The following STK32B variants were observed in gnomAD, a reference collection of about 807,000 sequenced individuals.
STK32B encodes the protein serine/threonine kinase 32B, also known as serine/threonine-protein kinase 32B.
A neutral mutation model predicts 52.6 loss-of-function variants in STK32B; 43 were observed. That is an observed-to-expected ratio of 0.82 (90% CI 0.64 to 1.05). The LOEUF is 1.05. Among genes scored for constraint, STK32B ranks in the 50% least tolerant of loss-of-function variants. The pLI, the probability that STK32B is intolerant of heterozygous loss-of-function variation, is 0.00. For missense variants in STK32B, 621 were observed against 534.6 expected (o/e 1.16, Z -1.59); for synonymous variants, 238 against 204.3 (o/e 1.17, Z -1.41).
intron 2 of STK32B, among the ~76,000 whole-genome samples, chr4:5,143,153 A>G (rs1196864086): frequency 2.7e-5 from 3 of 112,120 alleles, no homozygotes; most frequent in African/African-American, 8.1e-5. Flanking sequence ...CTATCTGTCC[A>G]TATTCTGTTG....
intron 4 of STK32B, among the ~76,000 whole-genome samples, chr4:5,348,910 G>C (rs563677967): frequency 6.6e-6 from 1 of 152,096 alleles, no homozygotes. Flanking sequence ...AGAGTCTGAG[G>C]TCAGGCCCAG....
rs1344624024 is a variant in STK32B, at chr4:5,386,685, G to A, written c.435-11522G>A. 6.6e-6 allele frequency among the ~76,000 whole-genome samples: 1 copy of A among 152,168 alleles called. No homozygotes were observed. The highest frequency in any genetic ancestry group is 1.5e-5 in the Non-Finnish European group (1 of 68,032). On this transcript the variant is annotated intron_variant, in intron 4 of 11. Transcript: ENST00000282908. The surrounding 1 kb of genome is among the most constrained non-coding windows in gnomAD (Gnocchi z 4.5). The stretch of plus-strand genomic sequence containing the variant: ...AAGCAAATTTCAAATCCCAGCTCTG[G>A]CACTAATTTCCCAGACAACTCGAAG...
the STK32B span, among the ~76,000 whole-genome samples, chr4:5,041,879 A>G: frequency 6.6e-6 from 1 of 151,934 alleles, no homozygotes; most frequent in Admixed American, 6.6e-5. Context: ...GACGGTATTT[A>G]CTCTAAGCAA....
In STK32B at chr4:5,170,738, T is replaced by C. The variant is rs377143912; in HGVS notation, c.260+2288T>C. 2.4e-3 allele frequency among the ~76,000 whole-genome samples: 372 copies of C among 152,314 alleles called. 7 individuals carry two copies. The East Asian group carries it at 0.053, about 22-fold the overall frequency. On this transcript the variant is annotated intron_variant, in intron 3 of 11. Coordinates refer to ENST00000282908, the MANE Select transcript of STK32B (RefSeq NM_018401.3). ...TGGACATTTGGGTTGGTTCCAAGTC[T>C]TTGCTATTGTGAATAGTGCCGCAGT...
intron 6 of STK32B, among the ~76,000 whole-genome samples, chr4:5,417,387 C>T (rs1037406370): frequency 6.6e-5 from 10 of 152,082 alleles, no homozygotes; most frequent in African/African-American, 1.4e-4. Context: ...TTGTTTTTAT[C>T]TTCTTGGTTA....
At chr4:5,442,825 G>T (rs1714924053) in intron 6 of STK32B, among the ~76,000 whole-genome samples, 1 of 152,174 alleles carries the variant, frequency 6.6e-6, no homozygotes, top group Non-Finnish European at 1.5e-5. Flanking sequence ...CTCAGCATTT[G>T]CTTGTCTGTA....
chr4:5,330,883 C>A (rs760722812), intron 3 of STK32B, among the ~76,000 whole-genome samples: 6 of 152,150 alleles, frequency 3.9e-5, no homozygotes, highest in Non-Finnish European at 8.8e-5. Flanking sequence ...AACAGTGACA[C>A]CATCTAATTA....
intron 7 of STK32B, among the ~76,000 whole-genome samples, chr4:5,450,103 T>C (rs1715852704): frequency 1.3e-5 from 2 of 152,150 alleles, no homozygotes; most frequent in Non-Finnish European, 2.9e-5. Context: ...AACCCTGTGC[T>C]TTTGGTTGGA....
At chr4:5,094,807 G>A (rs1413099918) in intron 1 of STK32B, among the ~76,000 whole-genome samples, 1 of 152,090 alleles carries the variant, frequency 6.6e-6, no homozygotes, top group Non-Finnish European at 1.5e-5. Flanking sequence ...GACTGTGTAG[G>A]GAGTCGGCGC....
Position 5,469,037 on chromosome 4 carries a change from C to T in STK32B, c.1106+967C>T, listed in dbSNP as rs1717655196. Among the ~76,000 whole-genome samples, 1 of 138,118 alleles carries T rather than the reference C, an allele frequency of 7.2e-6. No individual in the cohort carries two copies. Among genetic ancestry groups the T allele is most frequent in the Non-Finnish European group, 1.5e-5 (1 of 65,436 alleles). The allele number at this position is 138,118 out of a possible 152,430, so 90.6% of individuals were successfully genotyped here. On this transcript the variant is annotated intron_variant, in intron 11 of 11. Coordinates refer to ENST00000282908, the MANE Select transcript of STK32B (RefSeq NM_018401.3). The surrounding 1 kb of genome is among the most constrained non-coding windows in gnomAD (Gnocchi z 4.7). ...CTGCACTCCAGCCTGGGCGACAGAG[C>T]AAGACTCCGTCTCAAAAAAAAAAAA... is the stretch of plus-strand genomic sequence containing the variant.
chr4:5,140,753 A>ACCTC (rs984733272), intron 2 of STK32B, among the ~76,000 whole-genome samples: 3 of 151,348 alleles, frequency 2.0e-5, no homozygotes, highest in African/African-American at 4.9e-5. Context: ...GACCCAGACA[A>ACCTC]CCTCCCTCCC....
chr4:5,394,289 GTCCTCAGGAAACA>G lies in STK32B; in HGVS notation c.435-3915_435-3903del, dbSNP rs776869992. Among the ~76,000 whole-genome samples the G allele has an allele frequency of 4.6e-5, 7 of 152,286 alleles. No individual in the cohort carries two copies. Among genetic ancestry groups the G allele is most frequent in the Admixed American group, 2.6e-4 (4 of 15,302 alleles). On this transcript the variant is annotated intron_variant, in intron 4 of 11. Transcript: ENST00000282908. This position sits in a 1 kb window ranked among gnomAD's most constrained non-coding sequence, Gnocchi z 4.2. ...TGCCCAACTCTGAAATTATGGGTCTGTCCTCAGGAAACATCGTCACCGCCTTCCCATCCATGCA... is the reference window on the plus strand; with the variant it reads ...TGCCCAACTCTGAAATTATGGGTCTGTCGTCACCGCCTTCCCATCCATGCA...
intron 4 of STK32B, among the ~76,000 whole-genome samples, chr4:5,333,691 A>G (rs1732428502): frequency 6.6e-6 from 1 of 152,208 alleles, no homozygotes; most frequent in African/African-American, 2.4e-5. Flanking sequence ...AGCTTTCTCC[A>G]TATGGCTAGC....
intron 9 of STK32B, among the ~76,000 whole-genome samples, chr4:5,462,302 C>T (rs1717093616): frequency 1.3e-5 from 2 of 149,242 alleles, no homozygotes; most frequent in African/African-American, 4.9e-5. Flanking sequence ...GTGTGTGTAC[C>T]TGCTTGTGTG....
chr4:5,323,076 G>C (rs1269492506), intron 3 of STK32B, among the ~76,000 whole-genome samples: 1 of 152,130 alleles, frequency 6.6e-6, no homozygotes, highest in Admixed American at 6.5e-5. Flanking sequence ...AAGTGTTAAG[G>C]GATGAGCAGG....
At chr4:5,062,993 G>T (rs62291620) in intron 1 of STK32B, among the ~76,000 whole-genome samples, 1 of 151,528 alleles carries the variant, frequency 6.6e-6, no homozygotes, top group African/African-American at 2.4e-5. Flanking sequence ...TTTTTTCTTC[G>T]GACACTGATT....
chr4:5,172,425 G>A (rs1288296565), intron 3 of STK32B, among the ~76,000 whole-genome samples: 1 of 152,002 alleles, frequency 6.6e-6, no homozygotes, highest in Non-Finnish European at 1.5e-5. Context: ...TGTCCATTCA[G>A]TATGATATTG....
intron 3 of STK32B, among the ~76,000 whole-genome samples, chr4:5,288,100 T>A (rs1728666129): frequency 6.6e-6 from 1 of 152,230 alleles, no homozygotes; most frequent in African/African-American, 2.4e-5. Flanking sequence ...AATTCTTTTA[T>A]ATGGTCAAAT....
intron 4 of STK32B, among the ~76,000 whole-genome samples, chr4:5,339,806 A>T (rs1344986890): frequency 6.6e-6 from 1 of 152,178 alleles, no homozygotes; most frequent in African/African-American, 2.4e-5. Context: ...TTGGGCTGTT[A>T]TGCAAATTTT....
Sources: allele counts gnomAD v4.1 joint callset (sites outside exome capture counted in the v4.1 genomes callset), GRCh38; gene constraint gnomAD v4.1.1; non-coding constraint Gnocchi (gnomAD v3.1); transcripts MANE v1.5; gene names NCBI Gene and HGNC (gene_info 2026-07-23, HGNC 2026-07-21).